The following RNF213 variants were observed in gnomAD, a reference collection of about 807,000 sequenced individuals.
RNF213 encodes E3 ubiquitin-protein ligase RNF213.
In RNF213, 341 loss-of-function variants were observed where a neutral mutation model predicts 514.4. That is an observed-to-expected ratio of 0.66 (90% CI 0.61 to 0.73). The LOEUF (loss-of-function observed/expected upper bound fraction) is 0.73. Among genes scored for constraint, RNF213 ranks in the 30% least tolerant of loss-of-function variants. The probability of loss-of-function intolerance (pLI) is 0.00; values close to 1 mark genes in which losing one functional copy is unlikely to be tolerated. For synonymous variants in RNF213, 2,655 were observed against 2,658.2 expected (o/e 1.00, Z 0.04); for missense variants, 5,767 against 6,615.6 (o/e 0.87, Z 4.45).
intron 41 of RNF213, 65 bp from the exon 42 acceptor site, chr17:80,364,368 C>T (rs2079173926): frequency 8.1e-6 from 13 of 1,611,090 alleles, no homozygotes; most frequent in East Asian, 2.2e-5. Context: ...TCTCCCTCCT[C>T]GTTTCACCCT....
chr17:80,354,124 G>C lies in RNF213; in HGVS notation c.10684G>C (p.Val3562Leu). Residue 3562 changes from valine to leucine, a missense_variant, in exon 35 of 68, where the codon GTG becomes CTG. Transcript: ENST00000582970. ...ESCTRNMRRV[V>L]LLLGLLNEDD... ...CTGCACGCGCAATATGCGGAGGGTGGTGCTCCTCCTGGGCCTCTTGAATGA... is the reference window on the plus strand; with the variant it reads ...CTGCACGCGCAATATGCGGAGGGTGCTGCTCCTCCTGGGCCTCTTGAATGA... 1 of 1,614,110 alleles carries C rather than the reference G, an allele frequency of 6.2e-7. No homozygotes were observed. The highest frequency in any genetic ancestry group is 2.2e-5 in the East Asian group (1 of 44,880).
intron 26 of RNF213, chr17:80,341,765 C>A (rs1456042930): frequency 1.3e-5 from 2 of 152,138 alleles, no homozygotes; most frequent in Non-Finnish European, 2.9e-5. Context: ...AAAGAAAGAA[C>A]AAAAGATTAT....
chr17:80,350,025 G>T, intron 30 of RNF213, 119 bp downstream of exon 30: 1 of 1,137,570 alleles, frequency 8.8e-7, no homozygotes. Flanking sequence ...CTGTGAAATA[G>T]ATCCTTGTTA....
rs143695400 is a variant in RNF213, at chr17:80,290,895, C to T, written c.1271+167C>T. Among the ~76,000 whole-genome samples the T allele has an allele frequency of 5.6e-3, 856 of 151,814 alleles. 7 individuals are homozygous for T. Among genetic ancestry groups the T allele is most frequent in the African/African-American group, 0.019 (786 of 41,366 alleles). On this transcript the variant is annotated intron_variant, in intron 7 of 67. Coordinates refer to ENST00000582970, the MANE Select transcript of RNF213 (RefSeq NM_001256071.3). ...CACCATCTCAGCTCACTGCAGCCTCCGCCTCCTGGGTTCAAGCGATTCTCA... is the reference window on the plus strand; with the variant it reads ...CACCATCTCAGCTCACTGCAGCCTCTGCCTCCTGGGTTCAAGCGATTCTCA...
chr17:80,339,052 G>GA (rs1314896067), intron 25 of RNF213, 149 bp from the exon 26 acceptor site: 4 of 574,076 alleles, frequency 7.0e-6, no homozygotes, highest in African/African-American at 5.6e-5. Context: ...GGGTTGTGTA[G>GA]ATGAGGAGGG....
Position 80,345,959 on chromosome 17 carries a change from G to A in RNF213, c.7624G>A (p.Gly2542Ser), listed in dbSNP as rs756840887. ...GATGATCTGCCGTTTGGAGTCAGCT[G>A]GTTTGGGCTACAGGGTTAGTATGGA... Reference protein sequence around the residue: ...EEMICRLESAGLGYRVSMEET... With the variant: ...EEMICRLESASLGYRVSMEET... The change falls in exon 29 of 68, where the codon GGT becomes AGT. Residue 2542 changes from glycine (G) to serine (S), a missense_variant. Gly to Ser is a moderately conservative substitution (Grantham distance 56). Coordinates refer to ENST00000582970, the MANE Select transcript of RNF213 (RefSeq NM_001256071.3). The surrounding 1 kb of genome is among the most constrained non-coding windows in gnomAD (Gnocchi z 6.0). 2 of 1,614,126 alleles carry A rather than the reference G, an allele frequency of 1.2e-6. No individual in the cohort carries two copies. Among genetic ancestry groups the A allele is most frequent in the Admixed American group, 3.3e-5 (2 of 60,012 alleles).
Position 80,278,815 on chromosome 17 carries a change from G to C in RNF213, c.261+5411G>C, listed in dbSNP as rs944965019. On this transcript the variant is annotated intron_variant, in intron 3 of 67. Coordinates refer to ENST00000582970, the MANE Select transcript of RNF213 (RefSeq NM_001256071.3). ...TGCTGCTGTAGACCTCATATCCGAT[G>C]AATGGGAAGCTGCTAATGCCATACC... 3.9e-6 allele frequency: 6 copies of C among 1,537,256 alleles called. No individual in the cohort carries two copies. The South Asian group carries it at 7.1e-5, about 18-fold the overall frequency.
At chr17:80,314,263 TAA>T (rs2045743528) in intron 15 of RNF213, among the ~76,000 whole-genome samples, 12 of 102,552 alleles carry the variant, frequency 1.2e-4, no homozygotes, top group African/African-American at 5.3e-4. Flanking sequence ...GTGATGGTGG[TAA>T]AGGTGATGGT....
At chr17:80,340,463 A>G (rs1225553125) in intron 26 of RNF213, 107 bp downstream of exon 26, 1 of 1,114,092 alleles carries the variant, frequency 9.0e-7, no homozygotes, top group Non-Finnish European at 1.3e-6. Flanking sequence ...ACCGAGGCTC[A>G]GGGAGGGTGT....
At chr17:80,261,154 C>T (rs1211719722) in intron 1 of RNF213, among the ~76,000 whole-genome samples, 3 of 152,074 alleles carry the variant, frequency 2.0e-5, no homozygotes, top group Non-Finnish European at 2.9e-5. Flanking sequence ...CGCCTGGGAC[C>T]CCGGCGACAT....
Position 80,288,557 on chromosome 17 carries a change from C to T in RNF213, c.811-76C>T. ...CCTGTCCCTCGGCTTGTGGCAGATG[C>T]TGCCCCTTAAACCATTGAGTCGGAG... On this transcript the variant is annotated intron_variant, in intron 4 of 67. Coordinates refer to ENST00000582970, the MANE Select transcript of RNF213 (RefSeq NM_001256071.3). This position sits in a 1 kb window ranked among gnomAD's most constrained non-coding sequence, Gnocchi z 4.9. The T allele has an allele frequency of 6.2e-7, 1 of 1,612,992 alleles. No homozygotes were observed. The highest frequency in any genetic ancestry group is 8.5e-7 in the Non-Finnish European group (1 of 1,179,638).
chr17:80,291,523 T>C (rs1377695444), intron 7 of RNF213, 105 bp from the exon 8 acceptor site: 2 of 1,178,252 alleles, frequency 1.7e-6, no homozygotes, highest in Non-Finnish European at 2.5e-6. Context: ...GAACCCAGCC[T>C]TGCCACATCA....
At chr17:80,351,341 A>G (rs1384570031) in intron 31 of RNF213, among the ~76,000 whole-genome samples, 2 of 152,224 alleles carry the variant, frequency 1.3e-5, no homozygotes, top group Admixed American at 6.5e-5. Flanking sequence ...AGGAATGGAA[A>G]GTTCAGCTGT....
chr17:80,350,013 G>C, intron 30 of RNF213, 107 bp downstream of exon 30: 2 of 1,233,146 alleles, frequency 1.6e-6, no homozygotes, highest in Non-Finnish European at 2.4e-6. Flanking sequence ...ACAGTCACGT[G>C]ACTGTGAAAT....
In RNF213 at chr17:80,263,223, C is replaced by T. The variant is rs566740787; in HGVS notation, c.-108-351C>T. 2.6e-5 allele frequency among the ~76,000 whole-genome samples: 4 copies of T among 152,178 alleles called. No homozygotes were observed. The highest frequency in any genetic ancestry group is 1.3e-4 in the Admixed American group (2 of 15,280). ...GCCCAGTAGCCCTGGGCTGCCTGCT[C>T]AGGCCCCATCACCTGTGGGGCAGGT... is the stretch of plus-strand genomic sequence containing the variant. On this transcript the variant is annotated intron_variant, in intron 1 of 67. Transcript: ENST00000582970. The surrounding 1 kb of genome is among the most constrained non-coding windows in gnomAD (Gnocchi z 4.9).
chr17:80,383,688 A>G lies in RNF213; in HGVS notation c.14082A>G (p.Lys4694=). 1 of 1,613,564 alleles carries G rather than the reference A, an allele frequency of 6.2e-7. No homozygotes were observed. The highest frequency in any genetic ancestry group is 8.5e-7 in the Non-Finnish European group (1 of 1,179,568). The part of the protein sequence containing the change: ...VISPELEHLD[K]TLPTMNNLIS... ...TTTTCTCCATCCAGCATCTAGATAAAACCCTTCCCACCATGAATAATCTCA... is the reference window on the plus strand; with the variant it reads ...TTTTCTCCATCCAGCATCTAGATAAGACCCTTCCCACCATGAATAATCTCA... Residue 4694 remains lysine (K), a synonymous_variant, in exon 59 of 68, where the codon AAA becomes AAG. Coordinates refer to ENST00000582970, the MANE Select transcript of RNF213 (RefSeq NM_001256071.3).
chr17:80,320,103 C>G, intron 17 of RNF213: 1 of 707,150 alleles, frequency 1.4e-6, no homozygotes, highest in Non-Finnish European at 1.7e-6. Flanking sequence ...CAGATATGTA[C>G]AGTCATCACC....
Position 80,385,566 on chromosome 17 carries a change from G to C in RNF213, c.14484G>C (p.Arg4828Ser), listed in dbSNP as rs1399150923. The change falls in exon 61 of 68, where the codon AGG becomes AGC. Residue 4828 changes from arginine to serine, a missense_variant. This residue lies in a region of RNF213 where 1,245 missense variants were observed against 1,339.0 expected (regional missense o/e 0.93). Transcript: ENST00000582970. ...GGTTGAGGCAGCTGCTTCACAACAG[G>C]ATCACAGTCTTTCTGTCCACATGGA... Reference protein sequence around the residue: ...SDGLRQLLHNRITVFLSTWNK... With the variant: ...SDGLRQLLHNSITVFLSTWNK... 1 of 1,614,168 alleles carries C rather than the reference G, an allele frequency of 6.2e-7. No individual in the cohort carries two copies. Among genetic ancestry groups the C allele is most frequent in the Non-Finnish European group, 8.5e-7 (1 of 1,180,022 alleles).
chr17:80,309,321 T>A, intron 14 of RNF213, 150 bp downstream of exon 14: 1 of 961,686 alleles, frequency 1.0e-6, no homozygotes, highest in Non-Finnish European at 1.6e-6. Context: ...TGCACCTGCT[T>A]GATGCTGGGT....
Sources: allele counts gnomAD v4.1 joint callset (sites outside exome capture counted in the v4.1 genomes callset), GRCh38; gene constraint gnomAD v4.1.1; regional missense constraint gnomAD v4.1.1; non-coding constraint Gnocchi (gnomAD v3.1); transcripts MANE v1.5; gene names NCBI Gene and HGNC (gene_info 2026-07-23, HGNC 2026-07-21).